The following ADAMTS19 variants were observed in gnomAD, a reference collection of about 807,000 sequenced individuals.
ADAMTS19 encodes the protein ADAM metallopeptidase with thrombospondin type 1 motif 19.
ADAMTS19 carries 93 observed loss-of-function variants against 153.3 expected under a neutral mutation model. That is an observed-to-expected ratio of 0.61 (90% confidence interval 0.51 to 0.72). The LOEUF (loss-of-function observed/expected upper bound fraction) is 0.72, where lower values mean the gene tolerates loss of function less well. Ranked by LOEUF, ADAMTS19 falls within the 30% of genes least tolerant of loss-of-function variation. The pLI, the probability that ADAMTS19 is intolerant of heterozygous loss-of-function variation, is 0.00. For synonymous variants in ADAMTS19, 600 were observed against 556.6 expected (o/e 1.08, Z -1.10); for missense variants, 1,482 against 1,552.1 (o/e 0.95, Z 0.76).
At chr5:129,650,216 G>T (rs936693169) in intron 13 of ADAMTS19, among the ~76,000 whole-genome samples, 2 of 152,142 alleles carry the variant, frequency 1.3e-5, no homozygotes, top group African/African-American at 4.8e-5. Context: ...AGTGGGCTGT[G>T]GGTGTGGGCT....
At chr5:129,654,269 A>C in intron 13 of ADAMTS19, 37 bp from the exon 14 acceptor site, 1 of 1,546,020 alleles carries the variant, frequency 6.5e-7, no homozygotes, top group Non-Finnish European at 8.7e-7. Flanking sequence ...TTATGGGGTA[A>C]CTTTTTCTCA....
chr5:129,654,456 A>G (rs772688640), intron 14 of ADAMTS19, 23 bp downstream of exon 14: 10 of 1,594,026 alleles, frequency 6.3e-6, no homozygotes, highest in African/African-American at 2.7e-5. Context: ...AAAAAAAAAA[A>G]GAATTTATAT....
chr5:129,619,589 G>A (rs1304109048), intron 8 of ADAMTS19, among the ~76,000 whole-genome samples: 1 of 152,008 alleles, frequency 6.6e-6, no homozygotes. Context: ...ACATAGGAAT[G>A]GCATAGGCAG....
In ADAMTS19 at chr5:129,601,376, T is replaced by A. The variant is rs536482005; in HGVS notation, c.1478+4712T>A. 9.0e-4 allele frequency among the ~76,000 whole-genome samples: 136 copies of A among 151,420 alleles called. 1 individual carries two copies. Among genetic ancestry groups the A allele is most frequent in the African/African-American group, 3.1e-3 (126 of 41,210 alleles). ...GAATTCATATATATGCACATATTTA[T>A]TATGTCCACTATATTTTATATGATC... On this transcript the variant is annotated intron_variant, in intron 8 of 22. Coordinates refer to ENST00000274487, the MANE Select transcript of ADAMTS19 (RefSeq NM_133638.6).
chr5:129,637,282 A>G (rs1752571942), intron 10 of ADAMTS19, among the ~76,000 whole-genome samples: 1 of 152,202 alleles, frequency 6.6e-6, no homozygotes, highest in Non-Finnish European at 1.5e-5. Context: ...ATAGATTTTA[A>G]GTTATTAATG....
chr5:129,625,053 G>A (rs941035212), intron 10 of ADAMTS19, among the ~76,000 whole-genome samples: 1 of 137,182 alleles, frequency 7.3e-6, no homozygotes, highest in Non-Finnish European at 1.5e-5. Context: ...TGTTCTCATT[G>A]TTCAATTTCG....
intron 21 of ADAMTS19, among the ~76,000 whole-genome samples, chr5:129,730,750 T>C (rs73785267): frequency 6.6e-6 from 1 of 152,260 alleles, no homozygotes; most frequent in African/African-American, 2.4e-5. Context: ...GACTAAGAAA[T>C]TCTACGTCTT....
chr5:129,695,270 G>C (rs1358373384), intron 19 of ADAMTS19, among the ~76,000 whole-genome samples: 1 of 152,108 alleles, frequency 6.6e-6, no homozygotes, highest in Non-Finnish European at 1.5e-5. Flanking sequence ...GGCCAGTGTA[G>C]TGTTTCTGAT....
chr5:129,622,114 A>G (rs554277461), intron 9 of ADAMTS19, 84 bp from the exon 10 acceptor site: 5 of 1,348,972 alleles, frequency 3.7e-6, no homozygotes, highest in East Asian at 2.4e-5. Flanking sequence ...TGATATTATT[A>G]AAGTGTTTCT....
chr5:129,505,349 T>A (rs1254175669), intron 2 of ADAMTS19, among the ~76,000 whole-genome samples: 1 of 152,140 alleles, frequency 6.6e-6, no homozygotes, highest in East Asian at 1.9e-4. Context: ...GGGGAAAGAA[T>A]GGAGAGTGTT....
At chr5:129,482,195 C>T (rs780970065) in intron 2 of ADAMTS19, among the ~76,000 whole-genome samples, 24 of 152,164 alleles carry the variant, frequency 1.6e-4, no homozygotes, top group Admixed American at 2.6e-4. Context: ...TGCTTTCTCC[C>T]TGTCCATCTG....
chr5:129,550,910 T>TA (rs1247924958), intron 6 of ADAMTS19, among the ~76,000 whole-genome samples: 4 of 151,444 alleles, frequency 2.6e-5, no homozygotes, highest in African/African-American at 7.3e-5. Context: ...ATAGCAGCAA[T>TA]AAAAAAAATC....
At chr5:129,672,766 C>T (rs1220390236) in intron 16 of ADAMTS19, among the ~76,000 whole-genome samples, 1 of 151,888 alleles carries the variant, frequency 6.6e-6, no homozygotes, top group Non-Finnish European at 1.5e-5. Context: ...GCTCTCAAGA[C>T]TTATATGGTT....
intron 21 of ADAMTS19, 72 bp from the exon 22 acceptor site, chr5:129,734,860 A>G (rs1192234755): frequency 7.6e-7 from 1 of 1,314,432 alleles, no homozygotes; most frequent in Non-Finnish European, 1.0e-6. Context: ...GAATGTTCCC[A>G]CACCCTAGAA....
chr5:129,685,511 A>G (rs921589044), intron 18 of ADAMTS19, among the ~76,000 whole-genome samples: 1 of 152,164 alleles, frequency 6.6e-6, no homozygotes, highest in Non-Finnish European at 1.5e-5. Flanking sequence ...TTATACTTAA[A>G]TATATTATAG....
intron 11 of ADAMTS19, 55 bp from the exon 12 acceptor site, chr5:129,647,710 A>T: frequency 2.5e-6 from 4 of 1,576,778 alleles, no homozygotes; most frequent in Non-Finnish European, 3.5e-6. Flanking sequence ...TAGGCCAGCG[A>T]ATGATTTTCA....
At chr5:129,546,298 T>A (rs1225061819) in intron 6 of ADAMTS19, among the ~76,000 whole-genome samples, 4 of 150,276 alleles carry the variant, frequency 2.7e-5, no homozygotes, top group Admixed American at 6.6e-5. Context: ...ATGACGAGTT[T>A]GTGGGTGCAG....
intron 10 of ADAMTS19, among the ~76,000 whole-genome samples, chr5:129,638,163 G>T (rs1209888417): frequency 6.6e-6 from 1 of 152,162 alleles, no homozygotes; most frequent in African/African-American, 2.4e-5. Flanking sequence ...CTGTTCTCTA[G>T]AAAGTTTCTC....
intron 21 of ADAMTS19, among the ~76,000 whole-genome samples, chr5:129,714,967 C>G (rs1001513291): frequency 2.0e-5 from 3 of 152,016 alleles, no homozygotes; most frequent in African/African-American, 7.2e-5. Flanking sequence ...AATATTGTAG[C>G]TTTTAAAAAA....
Sources: gnomAD v4.1 joint callset for allele counts (sites outside exome capture counted in the v4.1 genomes callset) on GRCh38, gnomAD v4.1.1 for gene constraint, MANE v1.5 for transcripts, NCBI Gene and HGNC (gene_info 2026-07-23, HGNC 2026-07-21) for gene names.